NALF1: variants seen among roughly 807,000 people sequenced by gnomAD.
The protein encoded by NALF1 is family with sequence similarity 155 member A.
A neutral mutation model predicts 48.4 loss-of-function variants in NALF1; 3 were observed. The ratio of observed to expected loss-of-function variants is 0.06; its 90% CI spans 0.03 to 0.16. The LOEUF (loss-of-function observed/expected upper bound fraction) is 0.16, where lower values mean the gene tolerates loss of function less well. NALF1 is among the 10% of genes least tolerant of loss of function. The pLI is 1.00. For synonymous variants in NALF1, 262 were observed against 245.7 expected (o/e 1.07, Z -0.62); for missense variants, 526 against 571.5 (o/e 0.92, Z 0.81).
At chr13:107,810,171 T>C (rs1177788030) in intron 1 of NALF1, among the ~76,000 whole-genome samples, 1 of 152,116 alleles carries the variant, frequency 6.6e-6, no homozygotes, top group African/African-American at 2.4e-5. Context: ...TCTGTAGAAA[T>C]TATTTTCTCC....
intron 1 of NALF1, among the ~76,000 whole-genome samples, chr13:107,685,918 C>G (rs914560663): frequency 2.6e-5 from 4 of 152,170 alleles, no homozygotes; most frequent in African/African-American, 9.7e-5. Context: ...AGGTTCCTCT[C>G]ATACAAGACT....
At chr13:107,776,367 T>C (rs1172847554) in intron 1 of NALF1, among the ~76,000 whole-genome samples, 4 of 152,074 alleles carry the variant, frequency 2.6e-5, no homozygotes, top group Non-Finnish European at 5.9e-5. Flanking sequence ...TATCTCAAAG[T>C]GTGGCAGTGA....
chr13:107,400,574 G>A (rs1205310543), intron 1 of NALF1, among the ~76,000 whole-genome samples: 1 of 152,004 alleles, frequency 6.6e-6, no homozygotes, highest in East Asian at 1.9e-4. Context: ...TTAGCTGGGA[G>A]TTGTGGTGTG....
chr13:107,447,176 T>A (rs1594067891), intron 1 of NALF1, among the ~76,000 whole-genome samples: 1 of 152,282 alleles, frequency 6.6e-6, no homozygotes, highest in East Asian at 1.9e-4. Flanking sequence ...CTCCTTGGCC[T>A]CCTCCTCGTC....
intron 1 of NALF1, among the ~76,000 whole-genome samples, chr13:107,676,714 A>G (rs1051160093): frequency 1.3e-5 from 2 of 152,188 alleles, no homozygotes; most frequent in African/African-American, 2.4e-5. Context: ...TCTTTGAAAT[A>G]TATCTGTACA....
intron 1 of NALF1, among the ~76,000 whole-genome samples, chr13:107,600,942 G>A (rs1212268678): frequency 6.6e-6 from 1 of 152,144 alleles, no homozygotes; most frequent in Non-Finnish European, 1.5e-5. Context: ...GGGTGGGTCA[G>A]GGCAATCCCA....
In NALF1 at chr13:107,204,867, T is replaced by C. The variant is rs566838266; in HGVS notation, c.1087+5717A>G. 1.6e-3 allele frequency among the ~76,000 whole-genome samples: 248 copies of C among 152,054 alleles called. 1 individual carries two copies. Among genetic ancestry groups the C allele is most frequent in the African/African-American group, 5.7e-3 (235 of 41,506 alleles). Reference sequence around the variant, plus strand: ...TTCTGTTTTCAGAGAAAAAAAAACCTGATTTTAAAAAATTAAATGAACATA... The same window carrying C: ...TTCTGTTTTCAGAGAAAAAAAAACCCGATTTTAAAAAATTAAATGAACATA... On this transcript the variant is annotated intron_variant, in intron 2 of 2. Transcript: ENST00000375915.
chr13:107,695,773 A>C (rs539886635), intron 1 of NALF1, among the ~76,000 whole-genome samples: 1 of 152,228 alleles, frequency 6.6e-6, no homozygotes, highest in Non-Finnish European at 1.5e-5. Flanking sequence ...ACAATTAAGC[A>C]CACCTTTATC....
intron 1 of NALF1, among the ~76,000 whole-genome samples, chr13:107,764,393 T>A (rs780782926): frequency 6.6e-6 from 1 of 152,170 alleles, no homozygotes; most frequent in Non-Finnish European, 1.5e-5. Context: ...ATTATATATG[T>A]GTGCATATAT....
At chr13:107,777,038 G>C (rs1877753652) in intron 1 of NALF1, among the ~76,000 whole-genome samples, 1 of 152,124 alleles carries the variant, frequency 6.6e-6, no homozygotes, top group Non-Finnish European at 1.5e-5. Context: ...GCTTCAGTTA[G>C]CTGTAATCCT....
intron 2 of NALF1, among the ~76,000 whole-genome samples, chr13:107,191,546 A>G (rs1367192653): frequency 2.0e-5 from 3 of 152,186 alleles, no homozygotes; most frequent in African/African-American, 4.8e-5. Flanking sequence ...CATGTTTCCT[A>G]GAGGCGATGA....
chr13:107,413,486 A>C (rs61965876), intron 1 of NALF1, among the ~76,000 whole-genome samples: 32,759 of 152,014 alleles, frequency 0.22, 3,986 homozygotes, highest in Middle Eastern at 0.28. Flanking sequence ...TTTAGATCAT[A>C]TATATTTAAG....
chr13:107,861,765 A>G (rs1880576368), intron 1 of NALF1, among the ~76,000 whole-genome samples: 1 of 152,246 alleles, frequency 6.6e-6, no homozygotes, highest in African/African-American at 2.4e-5. Flanking sequence ...CCTGGGCGAC[A>G]GAGTGAGAAC....
At chr13:107,682,768 T>A (rs1046153082) in intron 1 of NALF1, among the ~76,000 whole-genome samples, 2 of 152,132 alleles carry the variant, frequency 1.3e-5, no homozygotes, top group Non-Finnish European at 2.9e-5. Context: ...CTCCACGAGA[T>A]GTGCTGCATT....
At chr13:107,628,017 C>T (rs1227867609) in intron 1 of NALF1, among the ~76,000 whole-genome samples, 1 of 152,108 alleles carries the variant, frequency 6.6e-6, no homozygotes, top group East Asian at 1.9e-4. Context: ...TACGAGAACA[C>T]AATTATGCAC....
chr13:107,618,849 C>A (rs1045075737), intron 1 of NALF1, among the ~76,000 whole-genome samples: 4 of 152,150 alleles, frequency 2.6e-5, no homozygotes, highest in Non-Finnish European at 5.9e-5. Context: ...ACCAGACTCA[C>A]AGTTTGGAGA....
intron 1 of NALF1, among the ~76,000 whole-genome samples, chr13:107,396,696 G>C (rs1057208721): frequency 1.3e-5 from 2 of 152,098 alleles, no homozygotes; most frequent in Admixed American, 6.6e-5. Flanking sequence ...AGAACTGTAG[G>C]GCTGTAGTGC....
chr13:107,381,841 T>A (rs1185149352), intron 1 of NALF1, among the ~76,000 whole-genome samples: 1 of 152,104 alleles, frequency 6.6e-6, no homozygotes, highest in Admixed American at 6.5e-5. Flanking sequence ...TCCATCCTGA[T>A]CTCTTCCTCT....
At chr13:107,459,244 A>C (rs1010874897) in intron 1 of NALF1, among the ~76,000 whole-genome samples, 2 of 152,172 alleles carry the variant, frequency 1.3e-5, no homozygotes, top group South Asian at 4.1e-4. Context: ...CAATGAAAAT[A>C]GGGGTTTTTA....
Sources: gnomAD v4.1 joint callset for allele counts (sites outside exome capture counted in the v4.1 genomes callset) on GRCh38, gnomAD v4.1.1 for gene constraint, MANE v1.5 for transcripts, NCBI Gene and HGNC (gene_info 2026-07-23, HGNC 2026-07-21) for gene names.